The following GRIN2B variants were observed in gnomAD, a reference collection of about 807,000 sequenced individuals.
The protein encoded by GRIN2B is glutamate ionotropic receptor NMDA type subunit 2B, also known as glutamate receptor ionotropic, NMDA 2B.
In GRIN2B, 5 loss-of-function variants were observed where a neutral mutation model predicts 114.5. The observed-to-expected ratio is 0.04, with a 90% CI of 0.02 to 0.09. The LOEUF (loss-of-function observed/expected upper bound fraction) is 0.09, where lower values mean the gene tolerates loss of function less well. Ranked by LOEUF, GRIN2B falls within the 10% of genes least tolerant of loss-of-function variation. GRIN2B has a pLI of 1.00. For synonymous variants in GRIN2B, 787 were observed against 745.1 expected, an observed-to-expected ratio of 1.06 and a Z score of -0.92; for missense variants, 1,108 against 1,943.5, an observed-to-expected ratio of 0.57 and a Z score of 8.08.
Position 13,615,339 on chromosome 12 carries a change from C to T in GRIN2B, c.1501-72G>A. 2 of 1,513,012 alleles carry T rather than the reference C, an allele frequency of 1.3e-6. No homozygotes were observed. The highest frequency in any genetic ancestry group is 1.8e-6 in the Non-Finnish European group (2 of 1,088,340). 93.7% of individuals were successfully genotyped at this position (1,513,012 alleles called of 1,614,324 possible). A position where few individuals can be genotyped will look rare whatever the true frequency, so the allele number is the denominator to read the frequency against. On this transcript the variant is annotated intron_variant, in intron 7 of 13. Transcript: ENST00000609686. This position sits in a 1 kb window ranked among gnomAD's most constrained non-coding sequence, Gnocchi z 5.8. The stretch of plus-strand genomic sequence containing the variant: ...GGGACCACCACAAGGAAAATACAGC[C>T]TATCAGTGGTTTTCTTTGTATAGTG...
chr12:13,963,692 T>C (rs897853321), intron 2 of GRIN2B, among the ~76,000 whole-genome samples: 2 of 152,172 alleles, frequency 1.3e-5, no homozygotes, highest in African/African-American at 4.8e-5. Context: ...TCAAGTCCCT[T>C]TGACATCAAA....
chr12:13,616,710 C>T (rs933615424), intron 5 of GRIN2B, 53 bp from the exon 6 acceptor site: 1 of 1,367,954 alleles, frequency 7.3e-7, no homozygotes, highest in Non-Finnish European at 1.0e-6. Flanking sequence ...ACATAACAAA[C>T]AGCCTGTCCC....
chr12:13,704,945 C>A (rs183711644), intron 4 of GRIN2B, among the ~76,000 whole-genome samples: 1 of 152,114 alleles, frequency 6.6e-6, no homozygotes, highest in South Asian at 2.1e-4. Context: ...AATATTAATG[C>A]CCCATGACTG....
chr12:13,916,712 T>TACACAC (rs1156830012), intron 2 of GRIN2B, among the ~76,000 whole-genome samples: 64 of 96,938 alleles, frequency 6.6e-4, no homozygotes, highest in Non-Finnish European at 9.2e-4. Flanking sequence ...CATATACATA[T>TACACAC]ACACACACAC....
At chr12:13,745,465 G>A (rs1233255735) in intron 4 of GRIN2B, among the ~76,000 whole-genome samples, 1 of 152,190 alleles carries the variant, frequency 6.6e-6, no homozygotes, top group African/African-American at 2.4e-5. Context: ...CAAAGCCCTG[G>A]CTGCCTGCCA....
At chr12:13,690,355 CCTCT>C (rs538084297) in intron 4 of GRIN2B, among the ~76,000 whole-genome samples, 3 of 69,654 alleles carry the variant, frequency 4.3e-5, no homozygotes, top group African/African-American at 1.3e-4. Flanking sequence ...CTTTTTTTTG[CCTCT>C]CTCTCTCTCT....
chr12:13,676,009 G>T (rs776591365), intron 4 of GRIN2B, 150 bp from the exon 5 acceptor site: 18 of 651,744 alleles, frequency 2.8e-5, no homozygotes, highest in Non-Finnish European at 4.8e-5. Flanking sequence ...TCTTGAACTC[G>T]CATTTGATTA....
chr12:13,586,371 A>C (rs1057143158), intron 10 of GRIN2B, among the ~76,000 whole-genome samples: 1 of 152,156 alleles, frequency 6.6e-6, no homozygotes, highest in Non-Finnish European at 1.5e-5. Context: ...AAAAGTGGCA[A>C]GGGGACATAG....
At chr12:13,704,873 T>C (rs937505214) in intron 4 of GRIN2B, among the ~76,000 whole-genome samples, 3 of 152,188 alleles carry the variant, frequency 2.0e-5, no homozygotes, top group African/African-American at 7.2e-5. Context: ...ATGTCACTGA[T>C]ACTTTTATTC....
At chr12:13,755,294 T>C (rs1403518181) in intron 3 of GRIN2B, among the ~76,000 whole-genome samples, 2 of 152,162 alleles carry the variant, frequency 1.3e-5, no homozygotes, top group Non-Finnish European at 2.9e-5. Flanking sequence ...AAAATACAGG[T>C]TGGGAAATAT....
chr12:13,944,271 T>C (rs1046957674), intron 2 of GRIN2B, among the ~76,000 whole-genome samples: 1 of 152,166 alleles, frequency 6.6e-6, no homozygotes, highest in Non-Finnish European at 1.5e-5. Context: ...GGAGAGGTAA[T>C]ATTCCAAAGC....
At chr12:13,776,748 G>T (rs1019862925) in intron 3 of GRIN2B, among the ~76,000 whole-genome samples, 1 of 152,024 alleles carries the variant, frequency 6.6e-6, no homozygotes, top group Non-Finnish European at 1.5e-5. Context: ...ATAAAAAGAT[G>T]AATATAGGTA....
rs144245203 is a variant in GRIN2B at position 13,609,474 on chromosome 12, G to A, written c.1781-642C>T. Among the ~76,000 whole-genome samples the A allele has an allele frequency of 4.2e-3, 632 of 152,156 alleles. 6 individuals carry two copies. The highest frequency in any genetic ancestry group is 0.014 in the Middle Eastern group (4 of 294). ...CTGGTTTCCTGTCATAGAAGCTTGC[G>A]TGTAAAAGAATATCAGAGGCCAGGC... On this transcript the variant is annotated intron_variant, in intron 9 of 13. Coordinates refer to ENST00000609686, the MANE Select transcript of GRIN2B (RefSeq NM_000834.5).
intron 5 of GRIN2B, among the ~76,000 whole-genome samples, chr12:13,620,906 A>G (rs1949505028): frequency 6.6e-6 from 1 of 151,646 alleles, no homozygotes; most frequent in Non-Finnish European, 1.5e-5. Flanking sequence ...AAAAAAAAAT[A>G]AGAGGGAAAG....
At chr12:13,904,135 A>G (rs1050460445) in intron 2 of GRIN2B, among the ~76,000 whole-genome samples, 5 of 152,006 alleles carry the variant, frequency 3.3e-5, no homozygotes, top group Admixed American at 6.6e-5. Flanking sequence ...CAGCATTTTT[A>G]GTTAGTGTAA....
chr12:13,808,748 A>ATATATATATGTATAT (rs1388525573), intron 3 of GRIN2B, among the ~76,000 whole-genome samples: 1 of 110,300 alleles, frequency 9.1e-6, no homozygotes, highest in Non-Finnish European at 2.1e-5. Context: ...TATAATAAAA[A>ATATATATATGTATAT]AAAAATATAT....
At chr12:13,696,711 G>A (rs940058193) in intron 4 of GRIN2B, among the ~76,000 whole-genome samples, 3 of 152,130 alleles carry the variant, frequency 2.0e-5, no homozygotes, top group Non-Finnish European at 4.4e-5. Context: ...TTTAAGTCAT[G>A]GCTCACTGTG....
At chr12:13,939,546 T>TC (rs983023297) in intron 2 of GRIN2B, among the ~76,000 whole-genome samples, 1 of 145,844 alleles carries the variant, frequency 6.9e-6, no homozygotes, top group African/African-American at 2.5e-5. Context: ...CACCGTGCTT[T>TC]TTTTTTTTTT....
At chr12:13,806,687 C>T (rs923271168) in intron 3 of GRIN2B, among the ~76,000 whole-genome samples, 2 of 151,976 alleles carry the variant, frequency 1.3e-5, no homozygotes, top group African/African-American at 2.4e-5. Context: ...CACTCTGTTG[C>T]TTGTTTCCTT....
Sources: gnomAD v4.1 joint callset for allele counts (sites outside exome capture counted in the v4.1 genomes callset) on GRCh38, gnomAD v4.1.1 for gene constraint, Gnocchi (gnomAD v3.1) non-coding constraint, MANE v1.5 for transcripts, NCBI Gene and HGNC (gene_info 2026-07-23, HGNC 2026-07-21) for gene names.